Variants in WASF3 observed in about 807,000 individuals in gnomAD.
The protein encoded by WASF3 is WASP family member 3.
In WASF3, 11 loss-of-function variants were observed where a neutral mutation model predicts 46.6. That is an observed-to-expected ratio of 0.24 (90% confidence interval 0.15 to 0.39). The LOEUF (loss-of-function observed/expected upper bound fraction) is 0.39. Among genes scored for constraint, WASF3 ranks in the 10% least tolerant of loss-of-function variants. The pLI is 1.00. For synonymous variants in WASF3, 242 were observed against 259.7 expected, an observed-to-expected ratio of 0.93 and a Z score of 0.65; for missense variants, 576 against 669.8, an observed-to-expected ratio of 0.86 and a Z score of 1.55.
chr13:26,604,428 G>T (rs1593142961), intron 1 of WASF3, among the ~76,000 whole-genome samples: 1 of 151,852 alleles, frequency 6.6e-6, no homozygotes, highest in East Asian at 1.9e-4. Context: ...GGGGGAAAGA[G>T]TCAGGCGGCT....
Position 26,676,686 on chromosome 13 carries a change from T to C in WASF3, c.678T>C (p.His226=), listed in dbSNP as rs3764108. ...ACAGGTTGTCTCAGAGTGTGTACCATGGAGCGTCTTCCGAGGGATCCCTGT... is the reference window on the plus strand; with the variant it reads ...ACAGGTTGTCTCAGAGTGTGTACCACGGAGCGTCTTCCGAGGGATCCCTGT... ...PDNRLSQSVY[H]GASSEGSLSP... Residue 226 remains histidine (H), a synonymous_variant, in exon 7 of 10, where the codon CAT becomes CAC. Coordinates refer to ENST00000335327, the MANE Select transcript of WASF3 (RefSeq NM_006646.6). The C allele has an allele frequency of 0.32, 511,696 of 1,613,814 alleles. 84,311 individuals carry two copies. The highest frequency in any genetic ancestry group is 0.46 in the African/African-American group (34,453 of 74,930).
intron 1 of WASF3, among the ~76,000 whole-genome samples, chr13:26,604,644 A>G (rs1269124686): frequency 6.6e-6 from 1 of 152,236 alleles, no homozygotes; most frequent in Non-Finnish European, 1.5e-5. Context: ...GATGCTTCTC[A>G]TTCTACATTC....
chr13:26,635,702 T>C (rs1440277006), intron 2 of WASF3, among the ~76,000 whole-genome samples: 1 of 152,270 alleles, frequency 6.6e-6, no homozygotes, highest in East Asian at 1.9e-4. Flanking sequence ...TTGATGTTGA[T>C]GCTATTCCTT....
chr13:26,547,660 C>T, the WASF3 span, among the ~76,000 whole-genome samples: 2 of 152,190 alleles, frequency 1.3e-5, no homozygotes, highest in Non-Finnish European at 2.9e-5. Flanking sequence ...GCTGAAGATA[C>T]TTCTCCCGGC....
chr13:26,641,793 T>G (rs1019112806), intron 2 of WASF3, among the ~76,000 whole-genome samples: 2 of 152,158 alleles, frequency 1.3e-5, no homozygotes, highest in African/African-American at 2.4e-5. Context: ...AAGACAAATG[T>G]AACTTGCTCA....
intron 3 of WASF3, among the ~76,000 whole-genome samples, chr13:26,659,342 G>A (rs1173589744): frequency 6.6e-6 from 1 of 152,216 alleles, no homozygotes; most frequent in African/African-American, 2.4e-5. Context: ...GGAAGCCAGG[G>A]TAGTTGGAGT....
At chr13:26,683,425 G>A (rs958229596) in intron 9 of WASF3, among the ~76,000 whole-genome samples, 1 of 151,714 alleles carries the variant, frequency 6.6e-6, no homozygotes, top group African/African-American at 2.4e-5. Flanking sequence ...GCAGTGAGCC[G>A]TGGTCACGCC....
intron 3 of WASF3, among the ~76,000 whole-genome samples, chr13:26,647,767 A>G (rs985046631): frequency 2.9e-4 from 44 of 152,170 alleles, no homozygotes; most frequent in Non-Finnish European, 1.0e-4. Flanking sequence ...CCCTGCCGAA[A>G]AAAAAAAATT....
In WASF3 at chr13:26,636,336, T is replaced by C. The variant is rs570301200; in HGVS notation, c.-10-5925T>C. ...ACCGAGCCAGGCACGGGAGAGAATCTCCTGGTCTGCTGGTTGCTAAGACTG... is the reference window on the plus strand; with the variant it reads ...ACCGAGCCAGGCACGGGAGAGAATCCCCTGGTCTGCTGGTTGCTAAGACTG... On this transcript the variant is annotated intron_variant, in intron 2 of 9. Transcript: ENST00000335327. Among the ~76,000 whole-genome samples, 5 of 152,324 alleles carry C rather than the reference T, an allele frequency of 3.3e-5. No homozygotes were observed. The South Asian group carries it at 8.3e-4, about 25-fold the overall frequency.
At chr13:26,655,070 A>AT (rs1330687275) in intron 3 of WASF3, among the ~76,000 whole-genome samples, 35 of 152,262 alleles carry the variant, frequency 2.3e-4, no homozygotes, top group Non-Finnish European at 4.4e-4. Context: ...GATTTCCCAG[A>AT]TTTTGTTTTA....
chr13:26,558,644 C>A (rs986301383), intron 1 of WASF3, among the ~76,000 whole-genome samples: 7 of 152,326 alleles, frequency 4.6e-5, no homozygotes, highest in Admixed American at 3.3e-4. Flanking sequence ...GACGAGAGTT[C>A]TTAATTATTC....
intron 2 of WASF3, among the ~76,000 whole-genome samples, chr13:26,636,832 C>A (rs1434931921): frequency 6.6e-6 from 1 of 152,132 alleles, no homozygotes; most frequent in Non-Finnish European, 1.5e-5. Context: ...AGGTGTGTTG[C>A]CCCCAGAACC....
At chr13:26,618,404 A>G (rs1265351467) in intron 2 of WASF3, among the ~76,000 whole-genome samples, 1 of 152,108 alleles carries the variant, frequency 6.6e-6, no homozygotes, top group Non-Finnish European at 1.5e-5. Context: ...CTCCCTTAGA[A>G]TAATAAATTC....
the WASF3 span, among the ~76,000 whole-genome samples, chr13:26,545,033 G>A: frequency 3.9e-5 from 6 of 152,354 alleles, no homozygotes; most frequent in South Asian, 1.2e-3. Flanking sequence ...GTCAGGAACA[G>A]GAGAAACCAT....
chr13:26,577,284 C>G, intron 1 of WASF3: 1 of 743,804 alleles, frequency 1.3e-6, no homozygotes, highest in Admixed American at 1.8e-5. Flanking sequence ...TGGTTACTTG[C>G]TTTGTCTGTT....
intron 5 of WASF3, among the ~76,000 whole-genome samples, chr13:26,671,187 T>C (rs1446327394): frequency 1.3e-5 from 2 of 152,208 alleles, no homozygotes; most frequent in Admixed American, 6.5e-5. Context: ...AGCTCCATCA[T>C]TGGTTTTATG....
intron 2 of WASF3, among the ~76,000 whole-genome samples, chr13:26,613,750 C>T (rs760676742): frequency 3.3e-5 from 5 of 152,172 alleles, no homozygotes; most frequent in Non-Finnish European, 5.9e-5. Flanking sequence ...AGCCTGGCGA[C>T]AGAGTGAGAC....
At chr13:26,547,393 AACAC>A in the WASF3 span, among the ~76,000 whole-genome samples, 3,580 of 131,294 alleles carry the variant, frequency 0.027, 51 homozygotes, top group African/African-American at 0.038. Flanking sequence ...CTACCCCATC[AACAC>A]ACACACACAC....
chr13:26,547,890 G>C, the WASF3 span, among the ~76,000 whole-genome samples: 1 of 152,126 alleles, frequency 6.6e-6, no homozygotes, highest in African/African-American at 2.4e-5. Flanking sequence ...TAGGGGCATG[G>C]GCCTGTTGGG....
Sources: allele counts gnomAD v4.1 joint callset (sites outside exome capture counted in the v4.1 genomes callset), GRCh38; gene constraint gnomAD v4.1.1; transcripts MANE v1.5; gene names NCBI Gene and HGNC (gene_info 2026-07-23, HGNC 2026-07-21).